Variants in PDS5A observed in about 807,000 individuals in gnomAD.
The protein encoded by PDS5A is sister chromatid cohesion protein PDS5 homolog A.
In PDS5A, 42 loss-of-function variants were observed where a neutral mutation model predicts 167.1. That is an observed-to-expected ratio of 0.25 (90% CI 0.20 to 0.33). The LOEUF (loss-of-function observed/expected upper bound fraction) is 0.33, where lower values mean the gene tolerates loss of function less well. Among genes scored for constraint, PDS5A ranks in the 10% least tolerant of loss-of-function variants. PDS5A has a pLI of 1.00. For missense variants in PDS5A, 1,033 were observed against 1,605.9 expected (o/e 0.64, Z 6.10); for synonymous variants, 553 against 554.6 (o/e 1.00, Z 0.04).
chr4:39,858,072 T>C (rs1718683146), intron 26 of PDS5A, among the ~76,000 whole-genome samples: 1 of 151,918 alleles, frequency 6.6e-6, no homozygotes, highest in Non-Finnish European at 1.5e-5. Flanking sequence ...AATACATAAA[T>C]AAAATAAAAA....
At chr4:39,912,845 GTTAA>G (rs1724012545) in intron 9 of PDS5A, among the ~76,000 whole-genome samples, 2 of 152,118 alleles carry the variant, frequency 1.3e-5, no homozygotes, top group African/African-American at 2.4e-5. Context: ...AACTATCTGA[GTTAA>G]TGGCAATCAT....
At chr4:39,948,566 A>G (rs1352029397) in intron 2 of PDS5A, among the ~76,000 whole-genome samples, 1 of 143,294 alleles carries the variant, frequency 7.0e-6, no homozygotes. Context: ...CTCATGATCC[A>G]CCTGCCTCGG....
chr4:39,903,918 A>G, intron 12 of PDS5A, 122 bp downstream of exon 12: 1 of 521,262 alleles, frequency 1.9e-6, no homozygotes, highest in Non-Finnish European at 3.2e-6. Flanking sequence ...CAAGTTGAAT[A>G]AACTTAATTT....
chr4:39,905,261 T>G (rs1723231044), intron 11 of PDS5A, among the ~76,000 whole-genome samples: 1 of 151,726 alleles, frequency 6.6e-6, no homozygotes, highest in Non-Finnish European at 1.5e-5. Flanking sequence ...GTGAGTCAGT[T>G]AAAAATCTGA....
chr4:39,882,993 C>A (rs79103862), intron 17 of PDS5A, among the ~76,000 whole-genome samples: 4,285 of 152,118 alleles, frequency 0.028, 187 homozygotes, highest in African/African-American at 0.097. Context: ...GTAATGGACG[C>A]CTTGAGTGAA....
At chr4:39,959,631 C>A (rs1034070547) in intron 2 of PDS5A, among the ~76,000 whole-genome samples, 2 of 152,116 alleles carry the variant, frequency 1.3e-5, no homozygotes, top group Non-Finnish European at 2.9e-5. Flanking sequence ...AGCCACCACA[C>A]CCAGCAAGGC....
At chr4:39,939,955 A>C (rs1338398956) in intron 2 of PDS5A, among the ~76,000 whole-genome samples, 1 of 152,084 alleles carries the variant, frequency 6.6e-6, no homozygotes, top group African/African-American at 2.4e-5. Context: ...AAAATAAATA[A>C]AACTAGAAAA....
intron 31 of PDS5A, among the ~76,000 whole-genome samples, chr4:39,841,321 T>C (rs578223569): frequency 1.2e-4 from 18 of 149,992 alleles, no homozygotes; most frequent in Middle Eastern, 3.6e-3. Context: ...TGTACTTTTA[T>C]AGAGACGGGG....
chr4:39,893,549 G>A (rs62307939), intron 16 of PDS5A, among the ~76,000 whole-genome samples: 29,122 of 152,070 alleles, frequency 0.19, 3,295 homozygotes, highest in South Asian at 0.27. Context: ...TCTCAAGGAT[G>A]GAATGCAAGC....
At chr4:39,962,280 T>A (rs1194763724) in intron 2 of PDS5A, among the ~76,000 whole-genome samples, 1 of 151,804 alleles carries the variant, frequency 6.6e-6, no homozygotes, top group East Asian at 2.0e-4. Context: ...ATGGTCTTGA[T>A]CTCCTGACCT....
At chr4:39,890,019 G>A (rs1721825773) in intron 17 of PDS5A, among the ~76,000 whole-genome samples, 1 of 152,014 alleles carries the variant, frequency 6.6e-6, no homozygotes, top group South Asian at 2.1e-4. Context: ...TAATGAGAAC[G>A]CATAAGCTAA....
Position 39,906,007 on chromosome 4 carries a change from G to GT in PDS5A, c.1234-1817dup, listed in dbSNP as rs1723305022. 2.4e-4 allele frequency among the ~76,000 whole-genome samples: 15 copies of GT among 62,594 alleles called. 1 individual carries two copies. The South Asian group carries it at 0.01, about 43-fold the overall frequency. The allele number at this position is 62,594 out of a possible 152,430, so 41.1% of individuals were successfully genotyped here. On this transcript the variant is annotated intron_variant, in intron 11 of 32. Transcript: ENST00000303538. ...TTTGGAAATTAAAAATGGAGATGAA[G>GT]TAAAAAAAAAAAAAGATAAGAAAAT...
chr4:39,907,200 T>C (rs1035445705), intron 11 of PDS5A, among the ~76,000 whole-genome samples: 1 of 152,172 alleles, frequency 6.6e-6, no homozygotes, highest in Non-Finnish European at 1.5e-5. Flanking sequence ...AGTCATTTCA[T>C]TTAAATTAAA....
chr4:39,972,923 T>C (rs1267819846), intron 2 of PDS5A, among the ~76,000 whole-genome samples: 2 of 150,876 alleles, frequency 1.3e-5, no homozygotes, highest in Non-Finnish European at 3.0e-5. Context: ...TTTTTTGTTG[T>C]TTGTTTTTAA....
At chr4:39,968,141 A>G (rs1041579219) in intron 2 of PDS5A, among the ~76,000 whole-genome samples, 1 of 151,982 alleles carries the variant, frequency 6.6e-6, no homozygotes, top group Non-Finnish European at 1.5e-5. Context: ...TTTATTGTAA[A>G]TGAGGTTTTG....
At chr4:39,964,289 T>G (rs1393027700) in intron 2 of PDS5A, among the ~76,000 whole-genome samples, 3 of 152,202 alleles carry the variant, frequency 2.0e-5, no homozygotes, top group Non-Finnish European at 4.4e-5. Context: ...TACTCTGTGC[T>G]AGAGGTTCAA....
At chr4:39,953,458 T>C (rs541512658) in intron 2 of PDS5A, among the ~76,000 whole-genome samples, 119 of 140,316 alleles carry the variant, frequency 8.5e-4, no homozygotes, top group African/African-American at 3.2e-3. Context: ...ACACTGGGAG[T>C]GGTGGCTCAC....
chr4:39,954,221 A>T (rs1203062249), intron 2 of PDS5A, among the ~76,000 whole-genome samples: 1 of 151,830 alleles, frequency 6.6e-6, no homozygotes, highest in African/African-American at 2.4e-5. Context: ...TTAGCTGGGC[A>T]GGGTGGCATG....
intron 11 of PDS5A, among the ~76,000 whole-genome samples, chr4:39,906,389 G>C (rs1723346462): frequency 6.6e-6 from 1 of 151,836 alleles, no homozygotes; most frequent in South Asian, 2.1e-4. Flanking sequence ...AAAAACCTTA[G>C]TGATCACCGT....
Sources: allele counts gnomAD v4.1 joint callset (sites outside exome capture counted in the v4.1 genomes callset), GRCh38; gene constraint gnomAD v4.1.1; transcripts MANE v1.5; gene names NCBI Gene and HGNC (gene_info 2026-07-23, HGNC 2026-07-21).